USP54: variants seen among roughly 807,000 people sequenced by gnomAD.
USP54 encodes the protein ubiquitin specific peptidase 54.
In USP54, 87 loss-of-function variants were observed where a neutral mutation model predicts 170.5. That is an observed-to-expected ratio of 0.51 (90% CI 0.43 to 0.61). The LOEUF (loss-of-function observed/expected upper bound fraction) is 0.61, where lower values mean the gene tolerates loss of function less well. Among genes scored for constraint, USP54 ranks in the 20% least tolerant of loss-of-function variants. USP54 has a pLI of 0.00. For synonymous variants in USP54, 655 were observed against 742.8 expected, an observed-to-expected ratio of 0.88 and a Z score of 1.92; for missense variants, 1,786 against 2,047.8, an observed-to-expected ratio of 0.87 and a Z score of 2.47.
intron 1 of USP54, among the ~76,000 whole-genome samples, chr10:73,578,498 G>A (rs1242776495): frequency 3.9e-5 from 6 of 152,172 alleles, no homozygotes; most frequent in Admixed American, 6.5e-5. Flanking sequence ...TGCAGCCTCC[G>A]CCTCTTAGGT....
chr10:73,604,633 G>A (rs897773701), intron 1 of USP54, among the ~76,000 whole-genome samples: 55 of 144,130 alleles, frequency 3.8e-4, no homozygotes, highest in African/African-American at 1.2e-3. Flanking sequence ...CATTGTTGCC[G>A]AGGCTGGAGT....
chr10:73,565,679 A>C (rs942670228), intron 4 of USP54, among the ~76,000 whole-genome samples: 1 of 152,210 alleles, frequency 6.6e-6, no homozygotes, highest in Non-Finnish European at 1.5e-5. Flanking sequence ...CATGAGTACC[A>C]CCACACTGGA....
intron 20 of USP54, among the ~76,000 whole-genome samples, chr10:73,507,665 G>A (rs1236773045): frequency 2.8e-4 from 31 of 110,612 alleles, no homozygotes; most frequent in African/African-American, 1.1e-3. Context: ...CAGAGACTCC[G>A]TCGCAAAAAA....
chr10:73,518,172 A>G (rs2061343918), intron 19 of USP54: 1 of 985,316 alleles, frequency 1.0e-6, no homozygotes, highest in Non-Finnish European at 1.2e-6. Context: ...GATGCTATAC[A>G]GGGAGGCAAG....
intron 16 of USP54, among the ~76,000 whole-genome samples, chr10:73,524,118 G>C (rs2062433070): frequency 6.7e-6 from 1 of 149,868 alleles, no homozygotes; most frequent in African/African-American, 2.4e-5. Flanking sequence ...ATGTTGGTCA[G>C]GCTGGTCTCG....
At chr10:73,596,514 G>A (rs1363130806) in intron 1 of USP54, among the ~76,000 whole-genome samples, 2 of 150,930 alleles carry the variant, frequency 1.3e-5, no homozygotes, top group South Asian at 2.1e-4. Context: ...AGCCGAGATC[G>A]CACCACTGCA....
At chr10:73,502,730 C>G (rs2058385945) in intron 22 of USP54, among the ~76,000 whole-genome samples, 1 of 152,262 alleles carries the variant, frequency 6.6e-6, no homozygotes. Flanking sequence ...TTCAGAAGAA[C>G]CACCTTAAAT....
At chr10:73,621,703 T>C (rs1380034221) in intron 1 of USP54, among the ~76,000 whole-genome samples, 1 of 152,096 alleles carries the variant, frequency 6.6e-6, no homozygotes, top group Non-Finnish European at 1.5e-5. Flanking sequence ...AGATAACCAT[T>C]TCCACTACTA....
chr10:73,574,865 AAAAG>A (rs1168222734), intron 3 of USP54, among the ~76,000 whole-genome samples: 2 of 151,726 alleles, frequency 1.3e-5, no homozygotes, highest in Non-Finnish European at 2.9e-5. Flanking sequence ...AAAAAAAAAA[AAAAG>A]AAAGAAAAGA....
intron 3 of USP54, among the ~76,000 whole-genome samples, chr10:73,573,434 T>G (rs2140933): frequency 0.17 from 25,265 of 152,214 alleles, 3,488 homozygotes; most frequent in African/African-American, 0.36. Context: ...TGCCAGCACA[T>G]AATTTTTTTT....
At chr10:73,537,300 T>C (rs546748613) in intron 10 of USP54, among the ~76,000 whole-genome samples, 4 of 152,272 alleles carry the variant, frequency 2.6e-5, no homozygotes, top group African/African-American at 9.6e-5. Flanking sequence ...CTTAAATAAA[T>C]TGCCCCAAAT....
intron 1 of USP54, among the ~76,000 whole-genome samples, chr10:73,621,344 G>A (rs964496019): frequency 2.7e-5 from 4 of 149,890 alleles, no homozygotes; most frequent in Non-Finnish European, 1.5e-5. Flanking sequence ...GCTCACGCCT[G>A]TAATCCCAGC....
chr10:73,512,444 T>C (rs1291254385), intron 20 of USP54, among the ~76,000 whole-genome samples: 1 of 152,168 alleles, frequency 6.6e-6, no homozygotes, highest in African/African-American at 2.4e-5. Context: ...CAGCCTGTCA[T>C]GTCACTTCTT....
At chr10:73,542,425 C>T (rs2066814987) in intron 7 of USP54, among the ~76,000 whole-genome samples, 1 of 151,876 alleles carries the variant, frequency 6.6e-6, no homozygotes, top group South Asian at 2.1e-4. Flanking sequence ...TTGAATGTCT[C>T]CAATTAAAGT....
chr10:73,505,602 G>A, intron 20 of USP54, 176 bp from the exon 21 acceptor site: 1 of 539,568 alleles, frequency 1.9e-6, no homozygotes, highest in Non-Finnish European at 3.3e-6. Context: ...TGGGCGCGGT[G>A]GCTCACACCT....
At chr10:73,622,649 GGA>G (rs1290177602) in intron 1 of USP54, among the ~76,000 whole-genome samples, 1 of 151,994 alleles carries the variant, frequency 6.6e-6, no homozygotes, top group African/African-American at 2.4e-5. Context: ...CTACAGTAAA[GGA>G]GTACTAAAAA....
intron 15 of USP54, 134 bp downstream of exon 15, chr10:73,529,546 A>G: frequency 3.1e-6 from 3 of 957,380 alleles, no homozygotes; most frequent in Non-Finnish European, 1.7e-6. Flanking sequence ...CTGTTGTTAT[A>G]GGAAGTTGAA....
At chr10:73,577,561 T>C (rs182268668) in intron 1 of USP54, among the ~76,000 whole-genome samples, 259 of 152,352 alleles carry the variant, frequency 1.7e-3, no homozygotes, top group Admixed American at 3.8e-3. Context: ...CTAAACACGA[T>C]ACTTATGTCC....
Position 73,530,327 on chromosome 10 carries a change from C to A in USP54, c.1644G>T (p.Leu548=). ...DQPDKKPPRT[L]PLHSRDWEIE... ...TTTCCCAGTCACGAGAGTGTAAAGG[C>A]AGGGTCCTAGGAGGTTTTTTGTCAG... Residue 548 remains leucine, a synonymous_variant, in exon 14 of 24, where the codon CTG becomes CTT. Coordinates refer to ENST00000687698, the MANE Select transcript of USP54 (RefSeq NM_001391956.1). 1 of 1,614,082 alleles carries A rather than the reference C, an allele frequency of 6.2e-7. No homozygotes were observed. The highest frequency in any genetic ancestry group is 8.5e-7 in the Non-Finnish European group (1 of 1,180,002).
Sources: gnomAD v4.1 joint callset for allele counts (sites outside exome capture counted in the v4.1 genomes callset) on GRCh38, gnomAD v4.1.1 for gene constraint, MANE v1.5 for transcripts, NCBI Gene and HGNC (gene_info 2026-07-23, HGNC 2026-07-21) for gene names.